Variants in PICALM observed in about 807,000 individuals in gnomAD.
PICALM encodes the protein phosphatidylinositol binding clathrin assembly protein.
PICALM carries 40 observed loss-of-function variants against 80.5 expected under a neutral mutation model. The observed-to-expected ratio is 0.50, with a 90% confidence interval of 0.39 to 0.65. The LOEUF (loss-of-function observed/expected upper bound fraction) is 0.65. Ranked by LOEUF, PICALM falls within the 30% of genes least tolerant of loss-of-function variation. The probability of loss-of-function intolerance (pLI) is 0.00; values close to 1 mark genes in which losing one functional copy is unlikely to be tolerated. For synonymous variants in PICALM, 288 were observed against 260.3 expected (o/e 1.11, Z -1.02); for missense variants, 676 against 778.9 (o/e 0.87, Z 1.57).
chr11:86,020,040 T>G (rs1195792797), intron 4 of PICALM, among the ~76,000 whole-genome samples: 2 of 152,054 alleles, frequency 1.3e-5, no homozygotes, highest in African/African-American at 4.8e-5. Context: ...TCATCCTATA[T>G]CCTAGGAAAA....
At chr11:86,058,694 C>T (rs1376484977) in intron 1 of PICALM, among the ~76,000 whole-genome samples, 2 of 152,156 alleles carry the variant, frequency 1.3e-5, no homozygotes, top group African/African-American at 4.8e-5. Flanking sequence ...AAAACAGACA[C>T]TTCTTTTCTT....
intron 2 of PICALM, among the ~76,000 whole-genome samples, chr11:86,027,442 T>TA (rs2095666423): frequency 6.6e-6 from 1 of 152,082 alleles, no homozygotes; most frequent in South Asian, 2.1e-4. Flanking sequence ...ATTTTTTTTT[T>TA]AATGCATGTA....
At chr11:85,960,631 T>G in intron 19 of PICALM, 1 of 808,362 alleles carries the variant, frequency 1.2e-6, no homozygotes, top group Non-Finnish European at 1.8e-6. Context: ...TGGTAATTGT[T>G]TTTAAGTATT....
At chr11:86,039,094 G>A (rs1318079446) in intron 1 of PICALM, among the ~76,000 whole-genome samples, 1 of 134,902 alleles carries the variant, frequency 7.4e-6, no homozygotes, top group African/African-American at 2.9e-5. Context: ...CTGGGCAACA[G>A]AGTGAGACTC....
rs1001618961 is a variant in PICALM at position 85,990,361 on chromosome 11, T to C, written c.1297A>G (p.Ile433Val). ...SATVDAVDDA[I>V]PSLNPFLTKS... ...GTGAGGAAAGGATTTAAGCTTGGAA[T>C]GGCATCATCAACAGCATCTACAGTA... Residue 433 changes from isoleucine to valine, a missense_variant, in exon 13 of 20, where the codon ATT (isoleucine) becomes GTT (valine). Ile to Val is a conservative substitution (Grantham distance 29). Transcript: ENST00000393346. 1 of 1,608,432 alleles carries C rather than the reference T, an allele frequency of 6.2e-7. No individual in the cohort carries two copies. The highest frequency in any genetic ancestry group is 1.3e-5 in the African/African-American group (1 of 74,826).
chr11:86,033,788 G>A lies in PICALM; in HGVS notation c.131-2177C>T, dbSNP rs111542322. 6.2e-3 allele frequency among the ~76,000 whole-genome samples: 949 copies of A among 152,136 alleles called. 2 individuals carry two copies. Among genetic ancestry groups the A allele is most frequent in the Non-Finnish European group, 1.0e-2 (677 of 68,014 alleles). ...CCTAGAATAATGCCTCAAACATAAA[G>A]ATCAGTCATATTTTTTAAGACACAT... On this transcript the variant is annotated intron_variant, in intron 1 of 19. Coordinates refer to ENST00000393346, the MANE Select transcript of PICALM (RefSeq NM_007166.4).
intron 1 of PICALM, among the ~76,000 whole-genome samples, chr11:86,046,700 T>C (rs1428277679): frequency 6.6e-6 from 1 of 152,256 alleles, no homozygotes; most frequent in Non-Finnish European, 1.5e-5. Flanking sequence ...AAAATCTTTA[T>C]AATGCACATA....
chr11:86,052,293 C>G (rs2096202748), intron 1 of PICALM, among the ~76,000 whole-genome samples: 1 of 152,194 alleles, frequency 6.6e-6, no homozygotes, highest in African/African-American at 2.4e-5. Flanking sequence ...TTCCTGAGGT[C>G]TCCCTGGCCA....
chr11:86,016,985 G>A (rs1157233045), intron 4 of PICALM, among the ~76,000 whole-genome samples: 1 of 152,196 alleles, frequency 6.6e-6, no homozygotes, highest in East Asian at 1.9e-4. Flanking sequence ...ACTTTGGGAG[G>A]CTGAGGGGCG....
At chr11:85,980,281 T>C (rs2094403066) in intron 17 of PICALM, among the ~76,000 whole-genome samples, 1 of 152,284 alleles carries the variant, frequency 6.6e-6, no homozygotes, top group Middle Eastern at 3.4e-3. Context: ...TGCAAGAAAC[T>C]CTGACTCTGG....
intron 7 of PICALM, among the ~76,000 whole-genome samples, chr11:86,010,730 T>C (rs1251107184): frequency 1.3e-5 from 2 of 152,212 alleles, no homozygotes; most frequent in East Asian, 3.8e-4. Context: ...AAATATATGG[T>C]TCATTCCAAC....
At chr11:85,980,401 G>A (rs939109936) in intron 17 of PICALM, among the ~76,000 whole-genome samples, 1 of 152,120 alleles carries the variant, frequency 6.6e-6, no homozygotes, top group Non-Finnish European at 1.5e-5. Context: ...AAAATAAATA[G>A]AATATACTAG....
rs557587301 is a variant in PICALM, at chr11:86,044,055, C to T, written c.131-12444G>A. ...CTAGTATTAACTGCATACTATAATACGCCAATAGTGTCTTAGGAGTTAGAA... is the reference window on the plus strand; with the variant it reads ...CTAGTATTAACTGCATACTATAATATGCCAATAGTGTCTTAGGAGTTAGAA... On this transcript the variant is annotated intron_variant, in intron 1 of 19. Coordinates refer to ENST00000393346, the MANE Select transcript of PICALM (RefSeq NM_007166.4). 7.9e-5 allele frequency among the ~76,000 whole-genome samples: 12 copies of T among 152,260 alleles called. 1 individual carries two copies. Among genetic ancestry groups the T allele is most frequent in the African/African-American group, 2.2e-4 (9 of 41,526 alleles).
chr11:86,021,518 A>C (rs1470454429), intron 4 of PICALM, among the ~76,000 whole-genome samples: 1 of 151,946 alleles, frequency 6.6e-6, no homozygotes, highest in African/African-American at 2.4e-5. Flanking sequence ...AAAAGGCAAA[A>C]AAAAACCCAG....
chr11:86,024,929 T>C (rs2095626097), intron 3 of PICALM, among the ~76,000 whole-genome samples: 1 of 152,206 alleles, frequency 6.6e-6, no homozygotes, highest in Non-Finnish European at 1.5e-5. Flanking sequence ...GACATTTCCC[T>C]GATTGAGCCT....
Position 86,009,998 on chromosome 11 carries a change from A to C in PICALM, c.765+1032T>G, listed in dbSNP as rs148887505. On this transcript the variant is annotated intron_variant, in intron 7 of 19. Coordinates refer to ENST00000393346, the MANE Select transcript of PICALM (RefSeq NM_007166.4). ...CCTATTGCATCTAATATAGAATAAT[A>C]TATCACCACAGTAACAAAGCCTAGA... is the stretch of plus-strand genomic sequence containing the variant. Among the ~76,000 whole-genome samples the C allele has an allele frequency of 6.0e-3, 911 of 152,342 alleles. 13 individuals are homozygous for C. Among genetic ancestry groups the C allele is most frequent in the African/African-American group, 0.021 (859 of 41,572 alleles).
At chr11:86,046,034 T>C (rs985491497) in intron 1 of PICALM, among the ~76,000 whole-genome samples, 1 of 152,236 alleles carries the variant, frequency 6.6e-6, no homozygotes, top group African/African-American at 2.4e-5. Flanking sequence ...GGCAGGTATC[T>C]TGTTTTTAAC....
chr11:86,017,647 A>G (rs2095501640), intron 4 of PICALM, among the ~76,000 whole-genome samples: 1 of 152,206 alleles, frequency 6.6e-6, no homozygotes, highest in Non-Finnish European at 1.5e-5. Context: ...CAGTTTTGCC[A>G]CAGCATACTA....
At chr11:86,014,420 C>T (rs946505281) in intron 5 of PICALM, among the ~76,000 whole-genome samples, 1 of 152,142 alleles carries the variant, frequency 6.6e-6, no homozygotes, top group Non-Finnish European at 1.5e-5. Flanking sequence ...AAAATTCCAG[C>T]GAACACAATG....
Sources: allele counts gnomAD v4.1 joint callset (sites outside exome capture counted in the v4.1 genomes callset), GRCh38; gene constraint gnomAD v4.1.1; transcripts MANE v1.5; gene names NCBI Gene and HGNC (gene_info 2026-07-23, HGNC 2026-07-21).